The following SLC9C1 variants were observed in gnomAD, a reference collection of about 807,000 sequenced individuals.
SLC9C1 encodes the protein sodium/hydrogen exchanger 10.
SLC9C1 carries 97 observed loss-of-function variants against 140.9 expected under a neutral mutation model. The ratio of observed to expected loss-of-function variants is 0.69; its 90% CI spans 0.58 to 0.82. SLC9C1 has a LOEUF of 0.82. SLC9C1 is among the 40% of genes least tolerant of loss of function. The pLI, the probability that SLC9C1 is intolerant of heterozygous loss-of-function variation, is 0.00. For missense variants in SLC9C1, 1,340 were observed against 1,389.3 expected (o/e 0.96, Z 0.56); for synonymous variants, 440 against 442.6 (o/e 0.99, Z 0.07).
chr3:112,226,707 G>T (rs1202815926), intron 13 of SLC9C1, among the ~76,000 whole-genome samples: 1 of 124,968 alleles, frequency 8.0e-6, no homozygotes, highest in Admixed American at 8.8e-5. Flanking sequence ...GGGCGATAGA[G>T]TAAGACTCCA....
chr3:112,275,057 A>C, intron 5 of SLC9C1, 32 bp from the exon 6 acceptor site: 1 of 1,529,692 alleles, frequency 6.5e-7, no homozygotes, highest in Non-Finnish European at 8.7e-7. Flanking sequence ...GATGTTTTTT[A>C]AAGTGAGAAA....
chr3:112,208,157 C>G (rs367655611), intron 16 of SLC9C1, 21 bp downstream of exon 16: 9 of 1,552,386 alleles, frequency 5.8e-6, no homozygotes, highest in Non-Finnish European at 7.8e-6. Context: ...CACTTCCATA[C>G]ACACATAAAT....
intron 28 of SLC9C1, among the ~76,000 whole-genome samples, chr3:112,141,547 G>A (rs1223420080): frequency 6.6e-6 from 1 of 152,090 alleles, no homozygotes; most frequent in Non-Finnish European, 1.5e-5. Context: ...CATAGTTTAT[G>A]GATTGTCAGG....
intron 28 of SLC9C1, among the ~76,000 whole-genome samples, chr3:112,149,120 G>A (rs2074886246): frequency 6.6e-6 from 1 of 152,080 alleles, no homozygotes; most frequent in Non-Finnish European, 1.5e-5. Context: ...TGTGAGCGTG[G>A]AGCAGAGAAG....
chr3:112,151,520 A>G (rs1479822827), intron 28 of SLC9C1: 1 of 522,778 alleles, frequency 1.9e-6, no homozygotes, highest in South Asian at 1.4e-5. Flanking sequence ...AAGTGAAGTC[A>G]TAACTTATCT....
At chr3:112,263,567 A>T (rs2079835293) in intron 9 of SLC9C1, among the ~76,000 whole-genome samples, 1 of 150,732 alleles carries the variant, frequency 6.6e-6, no homozygotes, top group South Asian at 2.1e-4. Flanking sequence ...CACTAATTTT[A>T]TCTGATAATT....
chr3:112,236,329 T>A (rs1576413976), intron 12 of SLC9C1, among the ~76,000 whole-genome samples: 1 of 152,190 alleles, frequency 6.6e-6, no homozygotes, highest in Non-Finnish European at 1.5e-5. Context: ...CCTTTATCAT[T>A]TTTTATTGCA....
intron 26 of SLC9C1, among the ~76,000 whole-genome samples, chr3:112,165,186 A>T (rs959869321): frequency 6.6e-6 from 1 of 151,942 alleles, no homozygotes; most frequent in South Asian, 2.1e-4. Flanking sequence ...AGTTTTTTTC[A>T]AGGTTTTTAA....
At chr3:112,223,327 C>G (rs114919659) in intron 13 of SLC9C1, among the ~76,000 whole-genome samples, 7 of 151,894 alleles carry the variant, frequency 4.6e-5, no homozygotes, top group African/African-American at 9.7e-5. Context: ...AAGAAGAGCA[C>G]AAAGAGATTT....
In SLC9C1 at chr3:112,207,194, T is replaced by C. The variant is rs149961649; in HGVS notation, c.1986+984A>G. ...AAAAAAGGTTTCTTGAAACCTAGTA[T>C]AGCTAAGAAAGTGGGAGATTTCAAA... On this transcript the variant is annotated intron_variant, in intron 16 of 28. Coordinates refer to ENST00000305815, the MANE Select transcript of SLC9C1 (RefSeq NM_183061.3). 1.9e-3 allele frequency among the ~76,000 whole-genome samples: 295 copies of C among 152,308 alleles called. 1 individual carries two copies. Among genetic ancestry groups the C allele is most frequent in the African/African-American group, 6.9e-3 (287 of 41,564 alleles).
At chr3:112,224,388 G>T (rs1414811096) in intron 13 of SLC9C1, among the ~76,000 whole-genome samples, 2 of 86,364 alleles carry the variant, frequency 2.3e-5, no homozygotes, top group East Asian at 1.3e-3. Flanking sequence ...AGATATCAAT[G>T]CAAGGATACA....
At position 112,271,393 on chromosome 3, in the gene SLC9C1, G is replaced by GTATATATATATA. The variant is rs57918598; in HGVS notation, c.614-1328_614-1317dup. 9.9e-3 allele frequency among the ~76,000 whole-genome samples: 1,243 copies of GTATATATATATA among 125,506 alleles called. 50 individuals carry two copies. The highest frequency in any genetic ancestry group is 0.018 in the East Asian group (67 of 3,822). 82.3% of individuals were successfully genotyped at this position (125,506 alleles called of 152,430 possible). A position where few individuals can be genotyped will look rare whatever the true frequency, so the allele number is the denominator to read the frequency against. ...TAGTTTGATTTAATCATTCTACATT[G>GTATATATATATA]TATATATATATATATATCAAAGCCT... On this transcript the variant is annotated intron_variant, in intron 6 of 28. Coordinates refer to ENST00000305815, the MANE Select transcript of SLC9C1 (RefSeq NM_183061.3).
intron 10 of SLC9C1, among the ~76,000 whole-genome samples, chr3:112,245,152 T>C (rs2079245515): frequency 6.6e-6 from 1 of 152,224 alleles, no homozygotes; most frequent in Admixed American, 6.5e-5. Flanking sequence ...TTGCCAATTC[T>C]AAAATCTTCG....
chr3:112,247,928 T>C (rs2079337645), intron 10 of SLC9C1, among the ~76,000 whole-genome samples: 1 of 90,476 alleles, frequency 1.1e-5, no homozygotes, highest in Non-Finnish European at 2.5e-5. Flanking sequence ...ATACTGTTGA[T>C]ATTACTTAGT....
At chr3:112,252,840 A>G (rs7635054) in intron 10 of SLC9C1, among the ~76,000 whole-genome samples, 89,604 of 151,154 alleles carry the variant, frequency 0.59, 26,978 homozygotes, top group East Asian at 0.79. Flanking sequence ...CCATTCCTCC[A>G]CAGTAGGCGA....
chr3:112,196,260 A>G (rs914308808), intron 20 of SLC9C1, among the ~76,000 whole-genome samples: 2 of 151,542 alleles, frequency 1.3e-5, no homozygotes, highest in African/African-American at 4.8e-5. Context: ...GAAATCTGCT[A>G]TTAATCTTAT....
chr3:112,224,111 CAGCTCCCTCATTCA>C, intron 13 of SLC9C1, among the ~76,000 whole-genome samples: 1 of 152,190 alleles, frequency 6.6e-6, no homozygotes, highest in African/African-American at 2.4e-5. Context: ...GTAGCATAGC[CAGCTCCCTCATTCA>C]CAAGGGAGCA....
At chr3:112,270,207 T>C (rs2108314585) in intron 6 of SLC9C1, 130 bp from the exon 7 acceptor site, 1 of 849,758 alleles carries the variant, frequency 1.2e-6, no homozygotes, top group South Asian at 2.5e-5. Context: ...AACATGAGAG[T>C]GCAGATATCC....
intron 6 of SLC9C1, among the ~76,000 whole-genome samples, chr3:112,272,732 C>T (rs1409923517): frequency 6.6e-6 from 1 of 151,870 alleles, no homozygotes; most frequent in Non-Finnish European, 1.5e-5. Context: ...CTCTGAAATA[C>T]AAAAAAATAA....
Sources: gnomAD v4.1 joint callset for allele counts (sites outside exome capture counted in the v4.1 genomes callset) on GRCh38, gnomAD v4.1.1 for gene constraint, MANE v1.5 for transcripts, NCBI Gene and HGNC (gene_info 2026-07-23, HGNC 2026-07-21) for gene names.